The following RHOC variants were observed in gnomAD, a reference collection of about 807,000 sequenced individuals.
The protein encoded by RHOC is rho-related GTP-binding protein RhoC.
Under a neutral mutation model 19.5 loss-of-function variants are expected in RHOC, and 13 were observed. The ratio of observed to expected loss-of-function variants is 0.67; its 90% confidence interval spans 0.43 to 1.06. RHOC has a LOEUF of 1.06. Ranked by LOEUF, RHOC falls within the 50% of genes least tolerant of loss-of-function variation. RHOC has a pLI of 0.00. For missense variants in RHOC, 173 were observed against 256.9 expected, an observed-to-expected ratio of 0.67 and a Z score of 2.23; for synonymous variants, 106 against 97.3, an observed-to-expected ratio of 1.09 and a Z score of -0.52.
At chr1:112,703,434 C>G in intron 3 of RHOC, 1 of 721,488 alleles carries the variant, frequency 1.4e-6, no homozygotes, top group Admixed American at 2.0e-5. Context: ...GGCAAAGGGA[C>G]TCGGCCCAGG....
At chr1:112,706,649 C>G (rs1410495068) in intron 1 of RHOC, 1 of 152,290 alleles carries the variant, frequency 6.6e-6, no homozygotes, top group African/African-American at 2.4e-5. Flanking sequence ...TGGTCACATC[C>G]CGCCCCTATT....
intron 1 of RHOC, among the ~76,000 whole-genome samples, chr1:112,706,489 CACACACACACA>C (rs1674884391): frequency 4.4e-4 from 13 of 29,380 alleles, no homozygotes; most frequent in Non-Finnish European, 4.8e-4. Context: ...CACACACACA[CACACACACACA>C]CACACACACA....
chr1:112,706,486 A>ACCCCCCCACAC (rs1557780753), intron 1 of RHOC, among the ~76,000 whole-genome samples: 1 of 17,638 alleles, frequency 5.7e-5, no homozygotes, highest in African/African-American at 1.9e-4. Context: ...ACACACACAC[A>ACCCCCCCACAC]CACACACACA....
At chr1:112,706,428 T>A (rs1557780350) in intron 1 of RHOC, among the ~76,000 whole-genome samples, 25 of 41,486 alleles carry the variant, frequency 6.0e-4, no homozygotes, top group Admixed American at 9.0e-4. Flanking sequence ...TCTCTCTCTC[T>A]CTACACACAC....
chr1:112,703,244 C>G lies in RHOC; in HGVS notation c.157-125G>C, dbSNP rs575061312. The G allele has an allele frequency of 4.9e-6, 5 of 1,022,630 alleles. 1 individual carries two copies. In the South Asian group the frequency reaches 7.5e-5, roughly 15 times the overall value. 63.3% of individuals were successfully genotyped at this position (1,022,630 alleles called of 1,614,324 possible). A position where few individuals can be genotyped will look rare whatever the true frequency, so the allele number is the denominator to read the frequency against. ...ATTTGAGCACCTGCTATGCACCAGG[C>G]ATTATATTAATCACTGTCCCACAAC... On this transcript the variant is annotated intron_variant, in intron 3 of 5. Coordinates refer to ENST00000339083, the MANE Select transcript of RHOC (RefSeq NM_175744.5).
In RHOC at chr1:112,702,639, G is replaced by A; in HGVS notation, c.332C>T (p.Pro111Leu). 6.2e-7 allele frequency: 1 copy of A among 1,614,104 alleles called. No individual in the cohort carries two copies. Among genetic ancestry groups the A allele is most frequent in the Non-Finnish European group, 8.5e-7 (1 of 1,179,992 alleles). The change falls in exon 5 of 6, where the codon CCC becomes CTC. Residue 111 changes from proline (P) to leucine (L), a missense_variant. Transcript: ENST00000339083. ...CTTCTTATTCCCCACCAGGATGATG[G>A]GCACGTTGGGGCAGAAGTGCTTCAC... is the stretch of plus-strand genomic sequence containing the variant. ...PEVKHFCPNVPIILVGNKKDL... is the reference protein window; with the variant it reads ...PEVKHFCPNVLIILVGNKKDL...
intron 2 of RHOC, among the ~76,000 whole-genome samples, chr1:112,704,070 A>G (rs1293917247): frequency 1.3e-5 from 2 of 152,174 alleles, no homozygotes; most frequent in Non-Finnish European, 2.9e-5. Context: ...GGAAAACATG[A>G]GTTTCAATCT....
At chr1:112,703,254 A>C in intron 3 of RHOC, 135 bp from the exon 4 acceptor site, 1 of 945,892 alleles carries the variant, frequency 1.1e-6, no homozygotes, top group South Asian at 1.6e-5. Flanking sequence ...CATTATATTA[A>C]TCACTGTCCC....
intron 4 of RHOC, 76 bp from the exon 5 acceptor site, chr1:112,702,769 C>T: frequency 6.3e-7 from 1 of 1,579,484 alleles, no homozygotes; most frequent in Non-Finnish European, 8.7e-7. Flanking sequence ...CCCTCATCTT[C>T]CCAGAGCAGT....
chr1:112,703,392 C>T (rs1278095730), intron 3 of RHOC: 1 of 716,238 alleles, frequency 1.4e-6, no homozygotes, highest in Admixed American at 2.0e-5. Context: ...ACCATCATCC[C>T]CATTTTGCAG....
upstream of RHOC, chr1:112,707,404 C>T (rs1280635806): frequency 6.6e-6 from 1 of 152,370 alleles, no homozygotes; most frequent in Non-Finnish European, 1.5e-5. Flanking sequence ...AGCCTTCAAT[C>T]CCCTAGGGGA....
chr1:112,706,426 T>TACACACA (rs1557780339), intron 1 of RHOC, among the ~76,000 whole-genome samples: 2 of 54,800 alleles, frequency 3.6e-5, no homozygotes, highest in Admixed American at 2.3e-4. Context: ...TCTCTCTCTC[T>TACACACA]CTCTACACAC....
chr1:112,705,012 C>A (rs1674789825), intron 2 of RHOC, 88 bp downstream of exon 2: 6 of 683,398 alleles, frequency 8.8e-6, no homozygotes, highest in Non-Finnish European at 1.6e-5. Flanking sequence ...GTGTCCCCCA[C>A]CCCCAGCACA....
At chr1:112,706,431 A>C (rs56969990) in intron 1 of RHOC, among the ~76,000 whole-genome samples, 15,752 of 33,288 alleles carry the variant, frequency 0.47, 1,571 homozygotes, top group East Asian at 0.57. Flanking sequence ...CTCTCTCTCT[A>C]CACACACACA....
intron 4 of RHOC, 54 bp from the exon 5 acceptor site, chr1:112,702,747 C>G: frequency 6.2e-7 from 1 of 1,608,038 alleles, no homozygotes. Context: ...CTAGAAAGCT[C>G]CCCTGGGGGG....
chr1:112,703,074 G>C lies in RHOC; in HGVS notation c.202C>G (p.Arg68Gly). ...TCCGGGTAGGAGAGAGGCCGCAGTC[G>C]ATCATAGTCTTCCTGCCCTGCTGTG... is the stretch of plus-strand genomic sequence containing the variant. Reference protein sequence around the residue: ...WDTAGQEDYDRLRPLSYPDTD... With the variant: ...WDTAGQEDYDGLRPLSYPDTD... The change falls in exon 4 of 6, where the codon CGA becomes GGA. Residue 68 changes from arginine (R) to glycine (G), a missense_variant. Physicochemically the swap from Arg to Gly is moderately radical, Grantham distance 125. This residue lies in a region of RHOC where 92 missense variants were observed against 171.1 expected (regional missense o/e 0.54). Coordinates refer to ENST00000339083, the MANE Select transcript of RHOC (RefSeq NM_175744.5). 6.2e-7 allele frequency: 1 copy of C among 1,614,164 alleles called. No homozygotes were observed. The highest frequency in any genetic ancestry group is 8.5e-7 in the Non-Finnish European group (1 of 1,180,006).
intron 1 of RHOC, among the ~76,000 whole-genome samples, chr1:112,706,513 C>CACACACACACAA (rs1451630403): frequency 5.1e-4 from 45 of 88,240 alleles, no homozygotes; most frequent in Non-Finnish European, 7.6e-4. Flanking sequence ...CACACACACA[C>CACACACACACAA]ACACACACAC....
chr1:112,706,429 C>A (rs1353218248), intron 1 of RHOC, among the ~76,000 whole-genome samples: 2 of 35,774 alleles, frequency 5.6e-5, no homozygotes, highest in Non-Finnish European at 1.2e-4. Context: ...CTCTCTCTCT[C>A]TACACACACA....
Position 112,706,497 on chromosome 1 carries a change from CACACACACACACACACA to C in RHOC, c.-77+564_-77+580del, listed in dbSNP as rs1674889649. On this transcript the variant is annotated intron_variant, in intron 1 of 5. Coordinates refer to ENST00000339083, the MANE Select transcript of RHOC (RefSeq NM_175744.5). ...ACACACACACACACACACACACACA[CACACACACACACACACA>C]CACACACACACACACACACACACAG... Among the ~76,000 whole-genome samples, 8 of 45,446 alleles carry C rather than the reference CACACACACACACACACA, an allele frequency of 1.8e-4. 1 individual carries two copies. The Admixed American group carries it at 2.3e-3, about 13-fold the overall frequency. The allele number at this position is 45,446 out of a possible 152,430, so 29.8% of individuals were successfully genotyped here.
Sources: gnomAD v4.1 joint callset for allele counts (sites outside exome capture counted in the v4.1 genomes callset) on GRCh38, gnomAD v4.1.1 for gene constraint, gnomAD v4.1.1 regional missense constraint, MANE v1.5 for transcripts, NCBI Gene and HGNC (gene_info 2026-07-23, HGNC 2026-07-21) for gene names.